STARD13: variants seen among roughly 807,000 people sequenced by gnomAD.
STARD13 encodes the protein StAR related lipid transfer domain containing 13.
STARD13 carries 62 observed loss-of-function variants against 106.4 expected under a neutral mutation model. The ratio of observed to expected loss-of-function variants is 0.58; its 90% confidence interval spans 0.48 to 0.72. The LOEUF (loss-of-function observed/expected upper bound fraction) is 0.72. Among genes scored for constraint, STARD13 ranks in the 30% least tolerant of loss-of-function variants. The pLI is 0.00. For synonymous variants in STARD13, 565 were observed against 553.0 expected (o/e 1.02, Z -0.31); for missense variants, 1,387 against 1,424.0 (o/e 0.97, Z 0.42).
intron 8 of STARD13, among the ~76,000 whole-genome samples, chr13:33,115,966 T>C (rs1186986575): frequency 6.6e-6 from 1 of 152,240 alleles, no homozygotes; most frequent in Admixed American, 6.5e-5. Context: ...AATGTACTTA[T>C]TGTTTAAATG....
At chr13:33,556,926 G>A in the STARD13 span, among the ~76,000 whole-genome samples, 1 of 152,052 alleles carries the variant, frequency 6.6e-6, no homozygotes, top group Non-Finnish European at 1.5e-5. Context: ...GCTAATTTTT[G>A]TATTTTTTGT....
chr13:33,650,812 G>A, the STARD13 span, among the ~76,000 whole-genome samples: 2 of 152,216 alleles, frequency 1.3e-5, no homozygotes, highest in African/African-American at 4.8e-5. Context: ...CTTATAAAAA[G>A]CTTAGCATGA....
chr13:33,173,290 G>C (rs933477291), intron 1 of STARD13, among the ~76,000 whole-genome samples: 1 of 152,208 alleles, frequency 6.6e-6, no homozygotes, highest in Non-Finnish European at 1.5e-5. Context: ...CTCTAGTGAA[G>C]TCCGTATTTA....
chr13:33,189,024 C>G (rs541458627), intron 1 of STARD13, among the ~76,000 whole-genome samples: 2 of 152,134 alleles, frequency 1.3e-5, no homozygotes, highest in Non-Finnish European at 2.9e-5. Flanking sequence ...TAGTGTCTGT[C>G]AGGTATAAGT....
At chr13:33,588,442 T>A in the STARD13 span, among the ~76,000 whole-genome samples, 2 of 152,134 alleles carry the variant, frequency 1.3e-5, no homozygotes, top group Non-Finnish European at 2.9e-5. Context: ...ATAACTATAA[T>A]ATAAACCTAA....
At chr13:33,325,888 G>A (rs2077768795) in intron 1 of STARD13, among the ~76,000 whole-genome samples, 1 of 151,360 alleles carries the variant, frequency 6.6e-6, no homozygotes, top group Non-Finnish European at 1.5e-5. Flanking sequence ...GGGAGACTGA[G>A]GCAGGAGAAT....
chr13:33,443,048 T>C, the STARD13 span, among the ~76,000 whole-genome samples: 1 of 152,130 alleles, frequency 6.6e-6, no homozygotes, highest in Non-Finnish European at 1.5e-5. Flanking sequence ...CATAACAATC[T>C]GAATGTTCTT....
chr13:33,111,426 A>G (rs1046659105), intron 10 of STARD13, among the ~76,000 whole-genome samples: 1 of 152,250 alleles, frequency 6.6e-6, no homozygotes, highest in African/African-American at 2.4e-5. Context: ...TCTTAGCAAC[A>G]AAGATTCCTC....
the STARD13 span, among the ~76,000 whole-genome samples, chr13:33,639,423 C>T: frequency 6.6e-6 from 1 of 152,196 alleles, no homozygotes; most frequent in Admixed American, 6.5e-5. Context: ...AGTTTATTGT[C>T]TGCAGGAAAA....
the STARD13 span, among the ~76,000 whole-genome samples, chr13:33,521,213 T>C: frequency 1.8e-4 from 28 of 152,118 alleles, no homozygotes; most frequent in African/African-American, 6.8e-4. Flanking sequence ...GGCAGTGAAT[T>C]TTACACATCA....
the STARD13 span, among the ~76,000 whole-genome samples, chr13:33,481,896 C>T: frequency 2.7e-5 from 4 of 150,452 alleles, no homozygotes; most frequent in Non-Finnish European, 5.9e-5. Flanking sequence ...GGCAGGAGAA[C>T]AGCGTGAACC....
At chr13:33,308,813 C>A (rs1333286418) in intron 1 of STARD13, among the ~76,000 whole-genome samples, 1 of 152,158 alleles carries the variant, frequency 6.6e-6, no homozygotes, top group Non-Finnish European at 1.5e-5. Context: ...CATGAGCCAC[C>A]ACGCCCAGCC....
At chr13:33,489,528 T>C in the STARD13 span, among the ~76,000 whole-genome samples, 10 of 152,254 alleles carry the variant, frequency 6.6e-5, no homozygotes, top group African/African-American at 2.4e-4. Flanking sequence ...GTTACTTTTA[T>C]GTGGGTCAAG....
chr13:33,609,101 A>C, the STARD13 span, among the ~76,000 whole-genome samples: 2 of 150,614 alleles, frequency 1.3e-5, no homozygotes, highest in Non-Finnish European at 3.0e-5. Flanking sequence ...AAAAAAAAAA[A>C]AAAAAAATAT....
intron 13 of STARD13, 72 bp downstream of exon 13, chr13:33,106,686 T>A: frequency 7.3e-7 from 1 of 1,370,468 alleles, no homozygotes; most frequent in Non-Finnish European, 9.8e-7. Context: ...CAGGGTGACA[T>A]CCCTGCTGGA....
intron 3 of STARD13, among the ~76,000 whole-genome samples, chr13:33,146,260 G>T (rs1880526429): frequency 6.6e-6 from 1 of 152,032 alleles, no homozygotes; most frequent in Non-Finnish European, 1.5e-5. Flanking sequence ...GGAGGCGGAG[G>T]TTGCAGCGAG....
At chr13:33,222,679 C>G (rs1888421910) in intron 1 of STARD13, among the ~76,000 whole-genome samples, 1 of 152,140 alleles carries the variant, frequency 6.6e-6, no homozygotes, top group South Asian at 2.1e-4. Context: ...TTCCATTTTT[C>G]TTTTTCTTCA....
Position 33,174,024 on chromosome 13 carries a change from T to C in STARD13, c.170-6402A>G, listed in dbSNP as rs967053708. Among the ~76,000 whole-genome samples the C allele has an allele frequency of 5.3e-4, 80 of 152,198 alleles. 1 individual carries two copies. Among genetic ancestry groups the C allele is most frequent in the Non-Finnish European group, 1.3e-4 (9 of 68,034 alleles). The stretch of plus-strand genomic sequence containing the variant: ...GTTTCCTAGGCCTTGAAATATCTTC[T>C]GGAAGCTGGATTCATAGCAAATCTA... On this transcript the variant is annotated intron_variant, in intron 1 of 13. Coordinates refer to ENST00000336934, the MANE Select transcript of STARD13 (RefSeq NM_178006.4).
intron 1 of STARD13, among the ~76,000 whole-genome samples, chr13:33,300,146 A>G (rs1892655550): frequency 6.6e-6 from 1 of 152,218 alleles, no homozygotes; most frequent in Non-Finnish European, 1.5e-5. Flanking sequence ...AAATCAAATT[A>G]GTTCATTTTT....
Sources: allele counts gnomAD v4.1 joint callset (sites outside exome capture counted in the v4.1 genomes callset), GRCh38; gene constraint gnomAD v4.1.1; transcripts MANE v1.5; gene names NCBI Gene and HGNC (gene_info 2026-07-23, HGNC 2026-07-21).